Variants in RPA1 observed in about 807,000 individuals in gnomAD.
RPA1 encodes the protein replication protein A1.
A neutral mutation model predicts 83.0 loss-of-function variants in RPA1; 49 were observed. The ratio of observed to expected loss-of-function variants is 0.59; its 90% confidence interval spans 0.47 to 0.75. RPA1 has a LOEUF of 0.75. RPA1 is among the 30% of genes least tolerant of loss of function. The pLI, the probability that RPA1 is intolerant of heterozygous loss-of-function variation, is 0.00. For missense variants in RPA1, 693 were observed against 776.1 expected, an observed-to-expected ratio of 0.89 and a Z score of 1.27; for synonymous variants, 279 against 281.8, an observed-to-expected ratio of 0.99 and a Z score of 0.10.
At chr17:1,834,144 C>T (rs1450006253) in intron 1 of RPA1, among the ~76,000 whole-genome samples, 1 of 152,088 alleles carries the variant, frequency 6.6e-6, no homozygotes, top group Non-Finnish European at 1.5e-5. Context: ...TGCACCAGTG[C>T]ATTCCAGACT....
chr17:1,836,995 C>A (rs758466821), intron 1 of RPA1, among the ~76,000 whole-genome samples: 29 of 151,936 alleles, frequency 1.9e-4, no homozygotes, highest in Admixed American at 3.9e-4. Flanking sequence ...ATGCCACCAT[C>A]CCCAGCTAAT....
intron 5 of RPA1, among the ~76,000 whole-genome samples, chr17:1,859,837 G>A (rs1222853302): frequency 1.3e-5 from 2 of 151,994 alleles, no homozygotes; most frequent in African/African-American, 2.4e-5. Flanking sequence ...TTTTTGAGAC[G>A]AAGTCTCACT....
At chr17:1,855,869 T>C (rs2151276188) in intron 5 of RPA1, among the ~76,000 whole-genome samples, 1 of 152,188 alleles carries the variant, frequency 6.6e-6, no homozygotes, top group East Asian at 1.9e-4. Flanking sequence ...GTTTCTTTAA[T>C]AGAGAGATAC....
chr17:1,849,898 G>A (rs1228869758), intron 4 of RPA1, among the ~76,000 whole-genome samples: 1 of 152,098 alleles, frequency 6.6e-6, no homozygotes, highest in Non-Finnish European at 1.5e-5. Flanking sequence ...TAGGCTGGAC[G>A]TGGTGGCTCA....
chr17:1,849,937 C>A (rs369929457), intron 4 of RPA1, among the ~76,000 whole-genome samples: 1 of 151,852 alleles, frequency 6.6e-6, no homozygotes, highest in East Asian at 1.9e-4. Context: ...TTTAGGAGGC[C>A]GAGGTGGGTG....
chr17:1,841,889 T>C (rs894406160), intron 1 of RPA1, among the ~76,000 whole-genome samples: 7 of 152,182 alleles, frequency 4.6e-5, no homozygotes, highest in Non-Finnish European at 8.8e-5. Context: ...CTCTATTCTT[T>C]GAATGTGACA....
chr17:1,895,773 C>T (rs1914394584), intron 16 of RPA1, among the ~76,000 whole-genome samples: 1 of 151,830 alleles, frequency 6.6e-6, no homozygotes, highest in Non-Finnish European at 1.5e-5. Flanking sequence ...ACCTCCGCCT[C>T]CCGGGTTCAA....
chr17:1,830,160 G>C (rs934420587), intron 1 of RPA1, 34 bp downstream of exon 1: 75 of 1,236,994 alleles, frequency 6.1e-5, no homozygotes, highest in African/African-American at 5.9e-4. Context: ...CCGGCGGTCC[G>C]GGGTGGCTGC....
Position 1,876,661 on chromosome 17 carries a change from G to A in RPA1, c.588-551G>A, listed in dbSNP as rs576434509. Among the ~76,000 whole-genome samples the A allele has an allele frequency of 3.9e-5, 6 of 152,240 alleles. No homozygotes were observed. In the East Asian group the frequency reaches 5.8e-4, roughly 15 times the overall value. On this transcript the variant is annotated intron_variant, in intron 7 of 16. Transcript: ENST00000254719. ...TATTTATTCTTCAATACTCTGTAAC[G>A]TAGGAAAGATATTTTTCCCTGTGAA...
chr17:1,830,139 C>A lies in RPA1; in HGVS notation c.33+13C>A, dbSNP rs566473573. 1.6e-6 allele frequency: 2 copies of A among 1,237,354 alleles called. No homozygotes were observed. Among genetic ancestry groups the A allele is most frequent in the East Asian group, 3.3e-5 (1 of 30,728 alleles). The allele number at this position is 1,237,354 out of a possible 1,614,324, so 76.6% of individuals were successfully genotyped here. ...GGGGGCCATTGCGGTGAGGAGGTGC[C>A]GGGGGCTGGGCCGGCGGTCCGGGGT... On this transcript the variant is annotated intron_variant, in intron 1 of 16. Transcript: ENST00000254719.
chr17:1,876,200 G>A (rs1435972112), intron 7 of RPA1, among the ~76,000 whole-genome samples: 2 of 152,148 alleles, frequency 1.3e-5, no homozygotes, highest in African/African-American at 2.4e-5. Context: ...TGCACTATTT[G>A]TATTAAACAC....
At chr17:1,869,494 C>T (rs934099537) in intron 5 of RPA1, among the ~76,000 whole-genome samples, 6 of 151,522 alleles carry the variant, frequency 4.0e-5, no homozygotes, top group African/African-American at 1.5e-4. Flanking sequence ...GCCGAGATGG[C>T]GCCGTTGCAC....
intron 15 of RPA1, 25 bp downstream of exon 15, chr17:1,891,965 T>G: frequency 6.7e-7 from 1 of 1,501,390 alleles, no homozygotes; most frequent in Non-Finnish European, 9.2e-7. Context: ...TTATTATAAC[T>G]TCTATAACTT....
rs758675207 is a variant in RPA1 at position 1,843,957 on chromosome 17, G to A, written c.122G>A (p.Arg41His). ...RPITTGNSPP[R>H]YRLLMSDGLN... is the part of the protein sequence containing the mutation. ...ATTACTACGGGGAATAGTCCGCCGC[G>A]TTATCGACTGCTCATGAGTGATGGA... The change falls in exon 3 of 17, where the codon CGT becomes CAT. Residue 41 changes from arginine (R) to histidine (H), a missense_variant. Arg to His is a conservative substitution (Grantham distance 29). Coordinates refer to ENST00000254719, the MANE Select transcript of RPA1 (RefSeq NM_002945.5). 3 of 1,613,800 alleles carry A rather than the reference G, an allele frequency of 1.9e-6. No homozygotes were observed. The highest frequency in any genetic ancestry group is 2.5e-6 in the Non-Finnish European group (3 of 1,179,936).
At chr17:1,833,773 G>T (rs944944107) in intron 1 of RPA1, among the ~76,000 whole-genome samples, 19 of 152,000 alleles carry the variant, frequency 1.3e-4, no homozygotes, top group Non-Finnish European at 2.8e-4. Context: ...AGAATCTCTT[G>T]AACCCGGGAG....
intron 5 of RPA1, among the ~76,000 whole-genome samples, chr17:1,863,970 T>G (rs1170981861): frequency 6.6e-6 from 1 of 152,224 alleles, no homozygotes; most frequent in African/African-American, 2.4e-5. Flanking sequence ...ACTAATTAAG[T>G]ACATATATTA....
chr17:1,836,260 C>T (rs968608428), intron 1 of RPA1, among the ~76,000 whole-genome samples: 3 of 52,168 alleles, frequency 5.8e-5, no homozygotes, highest in Non-Finnish European at 9.3e-5. Flanking sequence ...TACAGGTGCA[C>T]GCCACCACCT....
Position 1,830,047 on chromosome 17 carries a change from A to C in RPA1, c.-47A>C. The stretch of plus-strand genomic sequence containing the variant: ...GCAGCGCGCGGGACCCGGGTGGGGA[A>C]GCTGGAGCTGTTGCGGGGTCCGCGG... On this transcript the variant is annotated 5_prime_UTR_variant, in exon 1 of 17. Transcript: ENST00000254719. 1 of 1,247,840 alleles carries C rather than the reference A, an allele frequency of 8.0e-7. No individual in the cohort carries two copies. The highest frequency in any genetic ancestry group is 1.0e-6 in the Non-Finnish European group (1 of 987,198). The allele number at this position is 1,247,840 out of a possible 1,614,324, so 77.3% of individuals were successfully genotyped here.
chr17:1,879,176 A>G (rs1310541047), intron 9 of RPA1, 39 bp from the exon 10 acceptor site: 2 of 1,609,776 alleles, frequency 1.2e-6, no homozygotes, highest in East Asian at 2.2e-5. Flanking sequence ...GTCCGATTTG[A>G]TGGTAGTCTC....
Sources: allele counts gnomAD v4.1 joint callset (sites outside exome capture counted in the v4.1 genomes callset), GRCh38; gene constraint gnomAD v4.1.1; transcripts MANE v1.5; gene names NCBI Gene and HGNC (gene_info 2026-07-23, HGNC 2026-07-21).